NRG1: variants seen among roughly 807,000 people sequenced by gnomAD.
The protein encoded by NRG1 is neuregulin 1.
A neutral mutation model predicts 63.8 loss-of-function variants in NRG1; 18 were observed. That is an observed-to-expected ratio of 0.28 (90% CI 0.19 to 0.42). NRG1 has a LOEUF of 0.42. NRG1 is among the 10% of genes least tolerant of loss of function. The pLI, the probability that NRG1 is intolerant of heterozygous loss-of-function variation, is 1.00. For synonymous variants in NRG1, 302 were observed against 301.3 expected, an observed-to-expected ratio of 1.00 and a Z score of -0.02; for missense variants, 762 against 814.7, an observed-to-expected ratio of 0.94 and a Z score of 0.79.
At chr8:32,734,677 A>G (rs1016441455) in intron 6 of NRG1, among the ~76,000 whole-genome samples, 1 of 152,174 alleles carries the variant, frequency 6.6e-6, no homozygotes, top group Non-Finnish European at 1.5e-5. Flanking sequence ...GAATCCTACT[A>G]TGTGCTTATG....
intron 1 of NRG1, among the ~76,000 whole-genome samples, chr8:32,595,588 A>T (rs142577954): frequency 0.011 from 1,600 of 152,212 alleles, 36 homozygotes; most frequent in African/African-American, 0.036. Context: ...ACTATCTAGA[A>T]TTTTTTTAAG....
At chr8:32,284,489 GCCTTCCTTCCTTCCTTCCTTCCTT>G (rs367763292) in intron 1 of NRG1, among the ~76,000 whole-genome samples, 4 of 132,614 alleles carry the variant, frequency 3.0e-5, no homozygotes, top group South Asian at 2.7e-4. Flanking sequence ...CTGCCTGCCT[GCCTTCCTTCCTTCCTTCCTTCCTT>G]CCTTCCTTCC....
At chr8:32,413,331 A>T (rs1185809398) in intron 1 of NRG1, among the ~76,000 whole-genome samples, 1 of 152,176 alleles carries the variant, frequency 6.6e-6, no homozygotes, top group Non-Finnish European at 1.5e-5. Flanking sequence ...TAATCATTCA[A>T]GCTATATAGA....
chr8:32,122,035 A>G (rs1248994983), intron 1 of NRG1, among the ~76,000 whole-genome samples: 2 of 151,966 alleles, frequency 1.3e-5, no homozygotes, highest in Non-Finnish European at 2.9e-5. Context: ...TCTTTTAAAA[A>G]CAGAATATCC....
chr8:31,767,097 G>A (rs1818144093), intron 1 of NRG1, among the ~76,000 whole-genome samples: 1 of 152,108 alleles, frequency 6.6e-6, no homozygotes, highest in African/African-American at 2.4e-5. Flanking sequence ...AGGGCTTGCT[G>A]TAAGTTGGTC....
At chr8:32,683,110 A>G (rs1191199812) in intron 5 of NRG1, among the ~76,000 whole-genome samples, 7 of 152,228 alleles carry the variant, frequency 4.6e-5, no homozygotes, top group Non-Finnish European at 1.5e-5. Context: ...AAAATTTTGG[A>G]TCAGCTTTAT....
chr8:31,823,996 T>G (rs2129604022), intron 1 of NRG1, among the ~76,000 whole-genome samples: 1 of 152,164 alleles, frequency 6.6e-6, no homozygotes, highest in South Asian at 2.1e-4. Context: ...TTTTAGCAGT[T>G]TCTCTTCTTC....
At chr8:32,301,802 G>A (rs79342880) in intron 1 of NRG1, among the ~76,000 whole-genome samples, 8,197 of 152,186 alleles carry the variant, frequency 0.054, 266 homozygotes, top group South Asian at 0.071. Flanking sequence ...AGCTCCCACG[G>A]GTTCCTCCCA....
intron 1 of NRG1, among the ~76,000 whole-genome samples, chr8:32,237,857 A>G (rs1429911507): frequency 1.3e-5 from 2 of 152,096 alleles, no homozygotes; most frequent in Non-Finnish European, 2.9e-5. Flanking sequence ...TGACTTTTAT[A>G]GTTACTTCCA....
chr8:31,917,362 C>G (rs985067451), intron 1 of NRG1, among the ~76,000 whole-genome samples: 1 of 150,514 alleles, frequency 6.6e-6, no homozygotes, highest in African/African-American at 2.5e-5. Context: ...GTCTTTAATC[C>G]ATCTTGAATT....
intron 1 of NRG1, among the ~76,000 whole-genome samples, chr8:32,586,533 T>A (rs1475241833): frequency 6.6e-6 from 1 of 152,092 alleles, no homozygotes; most frequent in African/African-American, 2.4e-5. Flanking sequence ...GAACAAAAAA[T>A]TTACTGTAGT....
At position 32,152,510 on chromosome 8, in the gene NRG1, A is replaced by G. The variant is rs117941627; in HGVS notation, c.38-443318A>G. ...ACTCAGATAATTCAGGAGACGATCA[A>G]TGATTATGAAATAACTTCCTATGAC... On this transcript the variant is annotated intron_variant, in intron 1 of 10. Transcript: ENST00000519301. Among the ~76,000 whole-genome samples the G allele has an allele frequency of 3.2e-3, 488 of 152,368 alleles. 5 individuals carry two copies. Among genetic ancestry groups the G allele is most frequent in the Non-Finnish European group, 5.8e-3 (397 of 68,030 alleles).
chr8:31,751,100 C>A (rs1238490772), intron 1 of NRG1, among the ~76,000 whole-genome samples: 1 of 151,908 alleles, frequency 6.6e-6, no homozygotes, highest in Non-Finnish European at 1.5e-5. Flanking sequence ...TATTCTAGGT[C>A]TTACACAATC....
intron 5 of NRG1, among the ~76,000 whole-genome samples, chr8:32,670,020 A>G (rs1263472661): frequency 1.3e-5 from 2 of 152,216 alleles, no homozygotes; most frequent in African/African-American, 2.4e-5. Context: ...TTAAAATTTA[A>G]CATCATGTGC....
intron 1 of NRG1, among the ~76,000 whole-genome samples, chr8:32,528,506 A>G (rs913576621): frequency 3.3e-5 from 5 of 152,234 alleles, no homozygotes; most frequent in Non-Finnish European, 7.3e-5. Flanking sequence ...TATGTATAAC[A>G]GAAGTTTATT....
At chr8:31,930,834 A>C (rs1001832389) in intron 1 of NRG1, among the ~76,000 whole-genome samples, 2 of 152,182 alleles carry the variant, frequency 1.3e-5, no homozygotes, top group Non-Finnish European at 2.9e-5. Flanking sequence ...ATATGAATGA[A>C]GAATCATCTG....
At chr8:32,435,577 A>T (rs1476459988) in intron 1 of NRG1, among the ~76,000 whole-genome samples, 1 of 152,202 alleles carries the variant, frequency 6.6e-6, no homozygotes, top group Admixed American at 6.5e-5. Context: ...ATTTGTGGTC[A>T]TAATATTAGC....
In NRG1 at chr8:32,431,871, A is replaced by AT. The variant is rs762815786; in HGVS notation, c.38-163957_38-163956insT. ...TCACTGTAAACCTAAATGTGTGAAC[A>AT]CTATCAGTAGGGATAATATTTACCC... is the stretch of plus-strand genomic sequence containing the variant. On this transcript the variant is annotated intron_variant, in intron 1 of 10. Transcript: ENST00000519301. Among the ~76,000 whole-genome samples, 318 of 152,274 alleles carry AT rather than the reference A, an allele frequency of 2.1e-3. 1 individual carries two copies. The highest frequency in any genetic ancestry group is 3.1e-3 in the Non-Finnish European group (213 of 68,008).
chr8:31,860,764 CT>C (rs1268326028), intron 1 of NRG1, among the ~76,000 whole-genome samples: 51 of 152,240 alleles, frequency 3.3e-4, no homozygotes, highest in African/African-American at 1.1e-3. Context: ...ATATTTTTCC[CT>C]CCTCCATTCA....
Sources: allele counts gnomAD v4.1 joint callset (sites outside exome capture counted in the v4.1 genomes callset), GRCh38; gene constraint gnomAD v4.1.1; transcripts MANE v1.5; gene names NCBI Gene and HGNC (gene_info 2026-07-23, HGNC 2026-07-21).